Variants in C17orf78 observed in about 807,000 individuals in gnomAD.
The protein encoded by C17orf78 is uncharacterized protein C17orf78.
A neutral mutation model predicts 31.8 loss-of-function variants in C17orf78; 27 were observed. The ratio of observed to expected loss-of-function variants is 0.85; its 90% CI spans 0.63 to 1.17. C17orf78 has a LOEUF of 1.17. Among genes scored for constraint, C17orf78 ranks in the 50% most tolerant of loss-of-function variants. The pLI is 0.00. For synonymous variants in C17orf78, 106 were observed against 115.1 expected, an observed-to-expected ratio of 0.92 and a Z score of 0.51; for missense variants, 258 against 315.2, an observed-to-expected ratio of 0.82 and a Z score of 1.37.
At chr17:37,385,974 C>T (rs1442022881) in intron 3 of C17orf78, 35 bp from the exon 4 acceptor site, 2 of 1,382,814 alleles carry the variant, frequency 1.4e-6, no homozygotes, top group African/African-American at 1.4e-5. Context: ...TAAAGTTTTC[C>T]CCTAAAGTTT....
chr17:37,378,863 A>T (rs1173557783), intron 2 of C17orf78, among the ~76,000 whole-genome samples: 1 of 152,096 alleles, frequency 6.6e-6, no homozygotes, highest in Non-Finnish European at 1.5e-5. Flanking sequence ...GGAGTTCGAG[A>T]CCAGCTTGGG....
At chr17:37,381,565 T>A (rs1225567280) in intron 3 of C17orf78, among the ~76,000 whole-genome samples, 1 of 151,866 alleles carries the variant, frequency 6.6e-6, no homozygotes, top group African/African-American at 2.4e-5. Context: ...CATACTTTTT[T>A]ATATTTGCCT....
At chr17:37,384,001 C>T (rs2050418132) in intron 3 of C17orf78, among the ~76,000 whole-genome samples, 1 of 152,182 alleles carries the variant, frequency 6.6e-6, no homozygotes, top group Non-Finnish European at 1.5e-5. Context: ...CGCGGTGTCT[C>T]ATGCCTGTAA....
Position 37,385,373 on chromosome 17 carries a change from T to G in C17orf78, c.392-636T>G, listed in dbSNP as rs1422565262. 3.9e-5 allele frequency among the ~76,000 whole-genome samples: 6 copies of G among 152,060 alleles called. No homozygotes were observed. The East Asian group carries it at 9.6e-4, about 24-fold the overall frequency. ...CTGTAGTCTCAGCTACTTGGGAGGC[T>G]GAGGCACGAGAATCATTTTAACCTG... On this transcript the variant is annotated intron_variant, in intron 3 of 6. Coordinates refer to ENST00000615133, the MANE Select transcript of C17orf78 (RefSeq NM_173625.5).
intron 3 of C17orf78, among the ~76,000 whole-genome samples, chr17:37,382,036 T>G (rs925690394): frequency 1.3e-5 from 2 of 152,320 alleles, no homozygotes; most frequent in South Asian, 2.1e-4. Flanking sequence ...ATTCTTCTTT[T>G]TTCTCTTTTT....
Position 37,381,906 on chromosome 17 carries a change from C to T in C17orf78, c.391+2524C>T, listed in dbSNP as rs535500106. ...CCTCCCAAAGTGCTGGGATTACAGG[C>T]GTGAGCCACTGCACCCGGCCATGTC... On this transcript the variant is annotated intron_variant, in intron 3 of 6. Transcript: ENST00000615133. Among the ~76,000 whole-genome samples, 382 of 152,246 alleles carry T rather than the reference C, an allele frequency of 2.5e-3. 3 individuals carry two copies. The highest frequency in any genetic ancestry group is 0.015 in the South Asian group (74 of 4,824).
rs746267957 is a variant in C17orf78 at position 37,388,764 on chromosome 17, A to T, written c.603A>T (p.Ile201=). ...VTLLLSGVAI[I]VFVIFEVPCP... ...TGTTGCTCAGTGGAGTTGCCATTATAGTATTTGTAATTTTTGAAGTCCCAT... is the reference window on the plus strand; with the variant it reads ...TGTTGCTCAGTGGAGTTGCCATTATTGTATTTGTAATTTTTGAAGTCCCAT... The change falls in exon 5 of 7, where the codon ATA becomes ATT. Residue 201 remains isoleucine (I), a synonymous_variant. Transcript: ENST00000615133. 3.1e-6 allele frequency: 5 copies of T among 1,613,078 alleles called. No individual in the cohort carries two copies. In the African/African-American group the frequency reaches 6.7e-5, roughly 22 times the overall value.
At chr17:37,386,157 C>A in intron 4 of C17orf78, 32 bp downstream of exon 4, 3 of 1,377,994 alleles carry the variant, frequency 2.2e-6, no homozygotes, top group South Asian at 1.3e-5. Context: ...TGACAAAGTA[C>A]AGAATAAGTA....
At position 37,381,835 on chromosome 17, in the gene C17orf78, G is replaced by A. The variant is rs183873340; in HGVS notation, c.391+2453G>A. ...GTAGAGATGGGGTTTCACCGTGTTGGCCAGGATGGTCTCGATCGCCTGACC... is the reference window on the plus strand; with the variant it reads ...GTAGAGATGGGGTTTCACCGTGTTGACCAGGATGGTCTCGATCGCCTGACC... On this transcript the variant is annotated intron_variant, in intron 3 of 6. Transcript: ENST00000615133. Among the ~76,000 whole-genome samples, 218 of 151,640 alleles carry A rather than the reference G, an allele frequency of 1.4e-3. 3 individuals are homozygous for A. The highest frequency in any genetic ancestry group is 4.8e-3 in the African/African-American group (199 of 41,262).
intron 5 of C17orf78, 23 bp downstream of exon 5, chr17:37,388,817 T>A (rs368205631): frequency 6.8e-6 from 11 of 1,611,592 alleles, no homozygotes; most frequent in Non-Finnish European, 9.3e-6. Context: ...TTGTATTGAA[T>A]CCTTGAACTT....
chr17:37,377,956 C>G lies in C17orf78; in HGVS notation c.136C>G (p.Gln46Glu). ...AGACGTGAGAAGCATCAGAGAATTG[C>G]AAATGCAAGGTAGGGAATGGGTCCT... ...PKDVRSIREL[Q>E]MQETHTETKR... is the part of the protein sequence containing the mutation. The change falls in exon 2 of 7, where the codon CAA (glutamine) becomes GAA (glutamate). Residue 46 changes from glutamine to glutamate, a missense_variant. Gln to Glu is a conservative substitution (Grantham distance 29, BLOSUM62 2). Coordinates refer to ENST00000615133, the MANE Select transcript of C17orf78 (RefSeq NM_173625.5). The G allele has an allele frequency of 6.2e-7, 1 of 1,613,416 alleles. No individual in the cohort carries two copies. The highest frequency in any genetic ancestry group is 8.5e-7 in the Non-Finnish European group (1 of 1,179,604).
chr17:37,378,706 T>A (rs1213491656), intron 2 of C17orf78, among the ~76,000 whole-genome samples: 1 of 151,874 alleles, frequency 6.6e-6, no homozygotes, highest in African/African-American at 2.4e-5. Context: ...AGAGCAAAAC[T>A]CTGGGCAACA....
chr17:37,390,216 T>C lies in C17orf78; in HGVS notation c.750+854T>C, dbSNP rs1201295105. ...ATATAAATATATATAATTATATATT[T>C]ATTATATATAATTATATATAATATA... On this transcript the variant is annotated intron_variant, in intron 6 of 6. Coordinates refer to ENST00000615133, the MANE Select transcript of C17orf78 (RefSeq NM_173625.5). Among the ~76,000 whole-genome samples the C allele has an allele frequency of 8.5e-4, 62 of 72,658 alleles. 10 individuals carry two copies. Among genetic ancestry groups the C allele is most frequent in the African/African-American group, 4.4e-3 (59 of 13,298 alleles). 47.7% of individuals were successfully genotyped at this position (72,658 alleles called of 152,430 possible).
chr17:37,386,318 G>A (rs2050527729), intron 4 of C17orf78, among the ~76,000 whole-genome samples, 193 bp downstream of exon 4: 1 of 152,088 alleles, frequency 6.6e-6, no homozygotes, highest in South Asian at 2.1e-4. Flanking sequence ...TAGGCCGGGT[G>A]CTGTGGCTCA....
chr17:37,381,704 T>G (rs188777952), intron 3 of C17orf78, among the ~76,000 whole-genome samples: 27 of 147,502 alleles, frequency 1.8e-4, no homozygotes, highest in Non-Finnish European at 3.7e-4. Context: ...CTCAGCTCAC[T>G]GCAAGCTCCG....
rs1027402506 is a variant in C17orf78 at position 37,392,395 on chromosome 17, G to A, written c.*671G>A. 3 of 152,158 alleles carry A rather than the reference G, an allele frequency of 2.0e-5. No individual in the cohort carries two copies. Among genetic ancestry groups the A allele is most frequent in the Admixed American group, 1.3e-4 (2 of 15,274 alleles). The allele number at this position is 152,158 out of a possible 1,614,324, so 9.4% of individuals were successfully genotyped here. Reference sequence around the variant, plus strand: ...TTTAATAGAGAGTTGCATACCTTTTGGACAAAGATTCCAGAGCAAAATAAT... The same window carrying A: ...TTTAATAGAGAGTTGCATACCTTTTAGACAAAGATTCCAGAGCAAAATAAT... On this transcript the variant is annotated 3_prime_UTR_variant, in exon 7 of 7. Transcript: ENST00000615133.
At position 37,390,978 on chromosome 17, in the gene C17orf78, T is replaced by G. The variant is rs1047397940; in HGVS notation, c.751-669T>G. 4.6e-5 allele frequency among the ~76,000 whole-genome samples: 7 copies of G among 151,968 alleles called. No homozygotes were observed. The East Asian group carries it at 1.4e-3, about 29-fold the overall frequency. On this transcript the variant is annotated intron_variant, in intron 6 of 6. Coordinates refer to ENST00000615133, the MANE Select transcript of C17orf78 (RefSeq NM_173625.5). ...AAATAGGGCCAGGCGTGGTGGCTCATGCCTGTAATCCCAGCACTTTGGGAG... is the reference window on the plus strand; with the variant it reads ...AAATAGGGCCAGGCGTGGTGGCTCAGGCCTGTAATCCCAGCACTTTGGGAG...
At chr17:37,388,612 A>G in intron 4 of C17orf78, 58 bp from the exon 5 acceptor site, 2 of 1,556,314 alleles carry the variant, frequency 1.3e-6, no homozygotes, top group South Asian at 1.2e-5. Context: ...CAAAGGATCA[A>G]TCTCTTTCCT....
intron 3 of C17orf78, 44 bp from the exon 4 acceptor site, chr17:37,385,965 A>T: frequency 7.5e-7 from 1 of 1,327,094 alleles, no homozygotes; most frequent in Non-Finnish European, 1.0e-6. Flanking sequence ...AAGGCAGGAT[A>T]AAGTTTTCCC....
Sources: gnomAD v4.1 joint callset for allele counts (sites outside exome capture counted in the v4.1 genomes callset) on GRCh38, gnomAD v4.1.1 for gene constraint, MANE v1.5 for transcripts, NCBI Gene and HGNC (gene_info 2026-07-23, HGNC 2026-07-21) for gene names.